Variants in TRMT10B observed in about 807,000 individuals in gnomAD.
TRMT10B encodes the protein tRNA methyltransferase 10 homolog B.
TRMT10B carries 33 observed loss-of-function variants against 43.8 expected under a neutral mutation model. That is an observed-to-expected ratio of 0.75 (90% CI 0.57 to 1.01). TRMT10B has a LOEUF of 1.01. Among genes scored for constraint, TRMT10B ranks in the 50% least tolerant of loss-of-function variants. TRMT10B has a pLI of 0.00. For missense variants in TRMT10B, 362 were observed against 369.8 expected (o/e 0.98, Z 0.17); for synonymous variants, 137 against 130.6 (o/e 1.05, Z -0.34).
chr9:37,774,687 C>T (rs1818031856), intron 7 of TRMT10B, among the ~76,000 whole-genome samples: 1 of 152,088 alleles, frequency 6.6e-6, no homozygotes, highest in African/African-American at 2.4e-5. Flanking sequence ...TTTATCCTTT[C>T]AAATAAGTCC....
chr9:37,756,840 ATG>A (rs547557586), intron 1 of TRMT10B, among the ~76,000 whole-genome samples: 135 of 150,998 alleles, frequency 8.9e-4, no homozygotes, highest in African/African-American at 2.9e-3. Context: ...GTGTGTATGT[ATG>A]TGTGTATATA....
chr9:37,775,845 T>A (rs372599152), intron 7 of TRMT10B, among the ~76,000 whole-genome samples: 1 of 152,256 alleles, frequency 6.6e-6, no homozygotes, highest in African/African-American at 2.4e-5. Flanking sequence ...AATTGGGCTC[T>A]CTCTTCTCAC....
chr9:37,770,713 G>A lies in TRMT10B; in HGVS notation c.694G>A (p.Gly232Arg), dbSNP rs1292246922. 2 of 1,613,840 alleles carry A rather than the reference G, an allele frequency of 1.2e-6. No individual in the cohort carries two copies. The highest frequency in any genetic ancestry group is 1.7e-6 in the Non-Finnish European group (2 of 1,179,970). Residue 232 changes from glycine (G) to arginine (R), a missense_variant, in exon 7 of 9, where the codon GGG (glycine) becomes AGG (arginine). Transcript: ENST00000297994. ...VDLNKVYILG[G>R]LVDESIQKKV... ...TCTAAACAAAGTTTACATCCTCGGT[G>A]GGCTTGTGGATGAAAGCATTCAGAA...
chr9:37,763,331 T>C (rs983053479), intron 3 of TRMT10B, among the ~76,000 whole-genome samples: 2 of 152,124 alleles, frequency 1.3e-5, no homozygotes, highest in Non-Finnish European at 2.9e-5. Context: ...AGAGGAGCTG[T>C]TATTATCATT....
intron 1 of TRMT10B, among the ~76,000 whole-genome samples, chr9:37,759,755 T>A (rs1055302228): frequency 6.6e-6 from 1 of 152,160 alleles, no homozygotes; most frequent in Non-Finnish European, 1.5e-5. Flanking sequence ...AGGCGGAGGT[T>A]CCAGTGAGCC....
chr9:37,773,059 T>C (rs1827754547), intron 7 of TRMT10B, among the ~76,000 whole-genome samples: 1 of 152,230 alleles, frequency 6.6e-6, no homozygotes, highest in South Asian at 2.1e-4. Flanking sequence ...CATGCTTAAG[T>C]ATTTAGTGAA....
intron 2 of TRMT10B, 98 bp from the exon 3 acceptor site, chr9:37,762,475 CTATA>C: frequency 6.9e-7 from 1 of 1,451,250 alleles, no homozygotes; most frequent in Non-Finnish European, 9.2e-7. Flanking sequence ...TCTCTCCAAA[CTATA>C]TATATAAATA....
chr9:37,761,374 G>A (rs1163321200), intron 1 of TRMT10B, among the ~76,000 whole-genome samples: 2 of 152,158 alleles, frequency 1.3e-5, no homozygotes, highest in Non-Finnish European at 2.9e-5. Flanking sequence ...TGATTGCTTG[G>A]AGACGTCAGG....
chr9:37,760,002 A>G (rs531990258), intron 1 of TRMT10B, among the ~76,000 whole-genome samples: 14 of 152,328 alleles, frequency 9.2e-5, no homozygotes, highest in African/African-American at 3.1e-4. Flanking sequence ...CTTGATCTCA[A>G]ATTTCAAAAT....
intron 1 of TRMT10B, among the ~76,000 whole-genome samples, chr9:37,760,893 C>A (rs1826256513): frequency 6.6e-6 from 1 of 152,204 alleles, no homozygotes; most frequent in Non-Finnish European, 1.5e-5. Flanking sequence ...TTGACTAAAG[C>A]ATTTCTGACT....
Position 37,777,646 on chromosome 9 carries a change from A to T in TRMT10B, c.890A>T (p.Glu297Val), listed in dbSNP as rs1828327144. ...TACTTAGAGACTCACAACTGGCCTG[A>T]AGCATTGAAGAAAGGAGTTTCTTCA... ...STYLETHNWP[E>V]ALKKGVSSGK... The change falls in exon 9 of 9, where the codon GAA (glutamate) becomes GTA (valine). Residue 297 changes from glutamate to valine, a missense_variant. Transcript: ENST00000297994. 1 of 1,613,916 alleles carries T rather than the reference A, an allele frequency of 6.2e-7. No individual in the cohort carries two copies.
Position 37,778,658 on chromosome 9 carries a change from T to G in TRMT10B, c.*951T>G, listed in dbSNP as rs1828434756. The G allele has an allele frequency of 6.6e-6, 1 of 152,246 alleles. No homozygotes were observed. The highest frequency in any genetic ancestry group is 2.1e-4 in the South Asian group (1 of 4,834). The allele number at this position is 152,246 out of a possible 1,614,324, so 9.4% of individuals were successfully genotyped here. On this transcript the variant is annotated 3_prime_UTR_variant, in exon 9 of 9. Transcript: ENST00000297994. ...GAGTTTAATATTCACTAAACTGGCATCATAAAATTGTATGACTTTCTCCAG... is the reference window on the plus strand; with the variant it reads ...GAGTTTAATATTCACTAAACTGGCAGCATAAAATTGTATGACTTTCTCCAG...
intron 4 of TRMT10B, 92 bp downstream of exon 4, chr9:37,763,845 C>G (rs776650110): frequency 2.5e-6 from 4 of 1,607,220 alleles, no homozygotes; most frequent in Non-Finnish European, 3.4e-6. Flanking sequence ...ACTCCAGCTT[C>G]TGGGATTCCT....
chr9:37,753,104 A>T (rs7860847), upstream of TRMT10B, among the ~76,000 whole-genome samples: 5 of 151,376 alleles, frequency 3.3e-5, no homozygotes, highest in East Asian at 9.8e-4. Context: ...GTGCCCTCTT[A>T]AGAGATTTAA....
chr9:37,765,294 C>T (rs1006429316), intron 4 of TRMT10B, among the ~76,000 whole-genome samples: 8 of 152,026 alleles, frequency 5.3e-5, no homozygotes, highest in Middle Eastern at 6.8e-3. Context: ...TTCCCCTTCC[C>T]GTGTCCATGT....
chr9:37,753,248 CAGTG>C (rs1369384532), upstream of TRMT10B, among the ~76,000 whole-genome samples: 2 of 152,230 alleles, frequency 1.3e-5, no homozygotes, highest in East Asian at 1.9e-4. Flanking sequence ...TTCTTGAAGT[CAGTG>C]AGACCAAGAA....
chr9:37,753,621 C>A (rs185753070), upstream of TRMT10B, among the ~76,000 whole-genome samples: 1 of 152,180 alleles, frequency 6.6e-6, no homozygotes, highest in East Asian at 1.9e-4. Context: ...GACGGGGAGA[C>A]AGGGGTTCAG....
intron 1 of TRMT10B, among the ~76,000 whole-genome samples, chr9:37,761,379 G>A (rs1398322602): frequency 2.0e-5 from 3 of 152,140 alleles, no homozygotes; most frequent in Admixed American, 6.5e-5. Flanking sequence ...GCTTGGAGAC[G>A]TCAGGTGTTG....
chr9:37,777,118 T>C (rs937489223), intron 8 of TRMT10B, among the ~76,000 whole-genome samples: 6 of 135,424 alleles, frequency 4.4e-5, no homozygotes, highest in Non-Finnish European at 6.1e-5. Flanking sequence ...TGCTTGAATC[T>C]GGGAGGTGCA....
Sources: allele counts gnomAD v4.1 joint callset (sites outside exome capture counted in the v4.1 genomes callset), GRCh38; gene constraint gnomAD v4.1.1; transcripts MANE v1.5; gene names NCBI Gene and HGNC (gene_info 2026-07-23, HGNC 2026-07-21).